The following PRKN variants were observed in gnomAD, a reference collection of about 807,000 sequenced individuals.
The protein encoded by PRKN is parkin RBR E3 ubiquitin protein ligase.
In PRKN, 56 loss-of-function variants were observed where a neutral mutation model predicts 59.5. The ratio of observed to expected loss-of-function variants is 0.94; its 90% CI spans 0.76 to 1.18. The LOEUF (loss-of-function observed/expected upper bound fraction) is 1.18, where lower values mean the gene tolerates loss of function less well. Ranked by LOEUF, PRKN falls within the 50% of genes most tolerant of loss-of-function variation. The pLI is 0.00. For missense variants in PRKN, 657 were observed against 596.4 expected (o/e 1.10, Z -1.06); for synonymous variants, 250 against 222.1 (o/e 1.13, Z -1.12).
At position 161,401,437 on chromosome 6, in the gene PRKN, C is replaced by T. The variant is rs191104654; in HGVS notation, c.1084-14560G>A. On this transcript the variant is annotated intron_variant, in intron 9 of 11. Transcript: ENST00000366898. This position sits in a 1 kb window ranked among gnomAD's most constrained non-coding sequence, Gnocchi z 4.4. ...ACCAGCCTGGCCAACATGGTGAAAC[C>T]GCATCTCTACTAAAAATACAAAAAC... 3.9e-4 allele frequency among the ~76,000 whole-genome samples: 59 copies of T among 152,114 alleles called. No homozygotes were observed. Among genetic ancestry groups the T allele is most frequent in the East Asian group, 1.6e-3 (8 of 5,158 alleles).
intron 2 of PRKN, among the ~76,000 whole-genome samples, chr6:162,309,300 G>A (rs1782368989): frequency 6.6e-6 from 1 of 152,140 alleles, no homozygotes; most frequent in African/African-American, 2.4e-5. Context: ...GAGTAGCTGG[G>A]ATCACAGGTG....
At chr6:161,708,558 C>T (rs911990124) in intron 7 of PRKN, among the ~76,000 whole-genome samples, 2 of 151,516 alleles carry the variant, frequency 1.3e-5, no homozygotes, top group South Asian at 2.1e-4. Context: ...GCAACAGGAA[C>T]GTCATTCACT....
chr6:161,777,929 T>A (rs1344135493), intron 7 of PRKN, among the ~76,000 whole-genome samples: 14 of 148,948 alleles, frequency 9.4e-5, no homozygotes, highest in Non-Finnish European at 1.6e-4. Flanking sequence ...TGTATGTATA[T>A]CTAGTTAACA....
intron 6 of PRKN, among the ~76,000 whole-genome samples, chr6:161,953,462 G>C (rs993140140): frequency 6.6e-6 from 1 of 152,076 alleles, no homozygotes; most frequent in African/African-American, 2.4e-5. Context: ...AATTTAGGGT[G>C]GGGGGATGGC....
At chr6:162,058,982 TA>T (rs1777985595) in intron 4 of PRKN, among the ~76,000 whole-genome samples, 1 of 146,424 alleles carries the variant, frequency 6.8e-6, no homozygotes, top group South Asian at 2.1e-4. Flanking sequence ...AAAAAAGAAG[TA>T]GCACCAATAA....
chr6:162,022,263 T>A (rs1783236616), intron 5 of PRKN, among the ~76,000 whole-genome samples: 1 of 152,200 alleles, frequency 6.6e-6, no homozygotes, highest in African/African-American at 2.4e-5. Context: ...GAAATCTCCA[T>A]AATGTTTTCC....
intron 6 of PRKN, among the ~76,000 whole-genome samples, chr6:161,810,265 G>A (rs1031207577): frequency 3.3e-5 from 5 of 152,304 alleles, no homozygotes; most frequent in Non-Finnish European, 5.9e-5. Flanking sequence ...GAGGAAGAGA[G>A]GCCTCAGAAG....
rs1009406957 is a variant in PRKN at position 161,756,667 on chromosome 6, G to A, written c.871+29105C>T. Among the ~76,000 whole-genome samples, 79 of 151,336 alleles carry A rather than the reference G, an allele frequency of 5.2e-4. 2 individuals are homozygous for A. Among genetic ancestry groups the A allele is most frequent in the South Asian group, 1.0e-3 (5 of 4,796 alleles). The stretch of plus-strand genomic sequence containing the variant: ...TTTTTTAAATAGAGATTCATGGCCT[G>A]TGTGGGCTAGTGAAATACCCACTGG... On this transcript the variant is annotated intron_variant, in intron 7 of 11. Transcript: ENST00000366898.
intron 7 of PRKN, among the ~76,000 whole-genome samples, chr6:161,607,061 G>A (rs1450341553): frequency 6.6e-6 from 1 of 152,036 alleles, no homozygotes; most frequent in Non-Finnish European, 1.5e-5. Context: ...CCAGACTGAC[G>A]GCATCCAGAT....
At chr6:161,532,954 C>T (rs552372796) in intron 9 of PRKN, among the ~76,000 whole-genome samples, 1 of 152,082 alleles carries the variant, frequency 6.6e-6, no homozygotes, top group Non-Finnish European at 1.5e-5. Flanking sequence ...ATGGTGGATG[C>T]TGAGGAAACA....
chr6:162,032,573 C>A (rs890879347), intron 5 of PRKN, among the ~76,000 whole-genome samples: 1 of 152,120 alleles, frequency 6.6e-6, no homozygotes, highest in Non-Finnish European at 1.5e-5. Context: ...GGTTATCTTA[C>A]GTATATAACC....
At chr6:162,191,733 G>A (rs1299691842) in intron 4 of PRKN, among the ~76,000 whole-genome samples, 1 of 152,094 alleles carries the variant, frequency 6.6e-6, no homozygotes, top group Non-Finnish European at 1.5e-5. Flanking sequence ...GTGAGCCACC[G>A]TGCCCGGCCA....
intron 7 of PRKN, among the ~76,000 whole-genome samples, chr6:161,728,728 T>C (rs1209026623): frequency 6.6e-6 from 1 of 152,112 alleles, no homozygotes; most frequent in Non-Finnish European, 1.5e-5. Context: ...GGCATTTTGC[T>C]CCCCATGATG....
At chr6:162,362,752 G>A (rs1421746602) in intron 2 of PRKN, among the ~76,000 whole-genome samples, 5 of 152,186 alleles carry the variant, frequency 3.3e-5, no homozygotes, top group East Asian at 1.9e-4. Flanking sequence ...GCCAGGGTAC[G>A]TGAGGAAGCC....
chr6:161,971,528 G>A (rs1360056029), intron 6 of PRKN, among the ~76,000 whole-genome samples: 3 of 152,184 alleles, frequency 2.0e-5, no homozygotes, highest in Non-Finnish European at 4.4e-5. Context: ...CCCCATCTTA[G>A]CTGTTCTTCT....
chr6:161,786,698 G>A (rs879752060), intron 6 of PRKN, among the ~76,000 whole-genome samples: 9 of 151,936 alleles, frequency 5.9e-5, no homozygotes, highest in Admixed American at 1.3e-4. Context: ...AAGTAAAAAC[G>A]TTAAACATTT....
intron 7 of PRKN, among the ~76,000 whole-genome samples, chr6:161,638,049 A>G (rs548467772): frequency 6.6e-6 from 1 of 152,224 alleles, no homozygotes; most frequent in Non-Finnish European, 1.5e-5. Flanking sequence ...CAGTCCAAGG[A>G]CAAACAATGC....
intron 4 of PRKN, among the ~76,000 whole-genome samples, chr6:162,085,254 A>G (rs190776307): frequency 4.0e-5 from 6 of 151,726 alleles, no homozygotes; most frequent in Admixed American, 2.6e-4. Flanking sequence ...AAGATAAGGA[A>G]TTACCCCTAC....
intron 1 of PRKN, among the ~76,000 whole-genome samples, chr6:162,511,564 C>T (rs904854799): frequency 6.6e-6 from 1 of 152,118 alleles, no homozygotes; most frequent in African/African-American, 2.4e-5. Flanking sequence ...AATAGGAAAT[C>T]AGAATCTAAG....
Sources: gnomAD v4.1 joint callset for allele counts (sites outside exome capture counted in the v4.1 genomes callset) on GRCh38, gnomAD v4.1.1 for gene constraint, Gnocchi (gnomAD v3.1) non-coding constraint, MANE v1.5 for transcripts, NCBI Gene and HGNC (gene_info 2026-07-23, HGNC 2026-07-21) for gene names.